Variants in AKT3 observed in about 807,000 individuals in gnomAD.
The protein encoded by AKT3 is RAC-gamma serine/threonine-protein kinase.
A neutral mutation model predicts 65.3 loss-of-function variants in AKT3; 15 were observed. The observed-to-expected ratio is 0.23, with a 90% CI of 0.15 to 0.35. The LOEUF (loss-of-function observed/expected upper bound fraction) is 0.35, where lower values mean the gene tolerates loss of function less well. Ranked by LOEUF, AKT3 falls within the 10% of genes least tolerant of loss-of-function variation. The pLI, the probability that AKT3 is intolerant of heterozygous loss-of-function variation, is 1.00. For synonymous variants in AKT3, 206 were observed against 183.8 expected, an observed-to-expected ratio of 1.12 and a Z score of -0.98; for missense variants, 243 against 576.5, an observed-to-expected ratio of 0.42 and a Z score of 5.92.
rs76075275 is a variant in AKT3, at chr1:243,814,184, A to G, written c.46+28941T>C. On this transcript the variant is annotated intron_variant, in intron 2 of 13. Transcript: ENST00000673466. ...AACACAATACATTCAGCTTTTCTAT[A>G]TATTTTTAAATCTTCAAAATAAAAA... Among the ~76,000 whole-genome samples, 1,376 of 152,316 alleles carry G rather than the reference A, an allele frequency of 9.0e-3. 7 individuals carry two copies. Among genetic ancestry groups the G allele is most frequent in the Non-Finnish European group, 0.013 (886 of 68,016 alleles).
chr1:243,509,396 C>G (rs535445312), intron 13 of AKT3, among the ~76,000 whole-genome samples: 1 of 151,914 alleles, frequency 6.6e-6, no homozygotes, highest in Non-Finnish European at 1.5e-5. Context: ...CCGCGGGTGT[C>G]GAGTAAGGAA....
chr1:243,583,195 T>TATACACAC (rs759291565), intron 8 of AKT3, among the ~76,000 whole-genome samples: 42 of 88,284 alleles, frequency 4.8e-4, no homozygotes, highest in Non-Finnish European at 7.0e-4. Flanking sequence ...TATATATATA[T>TATACACAC]ACACACACAC....
At chr1:243,674,151 T>C (rs1483597352) in intron 3 of AKT3, among the ~76,000 whole-genome samples, 3 of 152,156 alleles carry the variant, frequency 2.0e-5, no homozygotes, top group Non-Finnish European at 4.4e-5. Context: ...TGTTAAAAAA[T>C]ACCTAAAAGA....
At chr1:243,762,537 A>G (rs1052470835) in intron 2 of AKT3, among the ~76,000 whole-genome samples, 1 of 152,120 alleles carries the variant, frequency 6.6e-6, no homozygotes, top group Non-Finnish European at 1.5e-5. Context: ...TACTATTAAT[A>G]AGACTATTAA....
chr1:243,836,220 T>C (rs1694879749), intron 2 of AKT3, among the ~76,000 whole-genome samples: 1 of 151,918 alleles, frequency 6.6e-6, no homozygotes, highest in Admixed American at 6.6e-5. Flanking sequence ...CAAACACTAA[T>C]CATAAAAAAT....
At chr1:243,664,956 G>T (rs1392247767) in intron 3 of AKT3, 73 bp from the exon 4 acceptor site, 2 of 818,032 alleles carry the variant, frequency 2.4e-6, no homozygotes, top group East Asian at 3.4e-5. Flanking sequence ...GAGAACTACA[G>T]AGTTCTATTT....
chr1:243,608,743 C>CTTTTTT (rs566574203), intron 8 of AKT3, among the ~76,000 whole-genome samples: 3 of 70,796 alleles, frequency 4.2e-5, no homozygotes, highest in African/African-American at 2.0e-4. Flanking sequence ...AAGTTTTTTG[C>CTTTTTT]TTTTTTTTTT....
chr1:243,807,049 G>T (rs535408998), intron 2 of AKT3, among the ~76,000 whole-genome samples: 31 of 152,228 alleles, frequency 2.0e-4, no homozygotes, highest in Non-Finnish European at 3.4e-4. Flanking sequence ...AGAAAAATAG[G>T]GAGCAGTTCC....
intron 12 of AKT3, among the ~76,000 whole-genome samples, chr1:243,544,352 A>G (rs1672515912): frequency 6.6e-6 from 1 of 151,802 alleles, no homozygotes; most frequent in Non-Finnish European, 1.5e-5. Context: ...GGGTGGGTGC[A>G]GTGGTTCACG....
chr1:243,673,834 CG>C (rs1683319927), intron 3 of AKT3, among the ~76,000 whole-genome samples: 1 of 152,008 alleles, frequency 6.6e-6, no homozygotes, highest in Admixed American at 6.5e-5. Context: ...AGGATGGTCT[CG>C]GTCTCTTGAC....
chr1:243,723,166 G>C (rs1470533352), intron 2 of AKT3, among the ~76,000 whole-genome samples: 1 of 152,136 alleles, frequency 6.6e-6, no homozygotes, highest in African/African-American at 2.4e-5. Flanking sequence ...GCTGGCATAG[G>C]AGAGTGTTTT....
At chr1:243,650,387 C>T (rs902777127) in intron 4 of AKT3, among the ~76,000 whole-genome samples, 1 of 152,182 alleles carries the variant, frequency 6.6e-6, no homozygotes, top group African/African-American at 2.4e-5. Context: ...GTTTCTTTTG[C>T]TGTGCAGAAG....
chr1:243,806,296 T>G (rs981683874), intron 2 of AKT3, among the ~76,000 whole-genome samples: 4 of 152,242 alleles, frequency 2.6e-5, no homozygotes, highest in Non-Finnish European at 5.9e-5. Context: ...GAGCACGTTT[T>G]ATTCTTTTTG....
intron 2 of AKT3, among the ~76,000 whole-genome samples, chr1:243,718,643 AT>A (rs5782266): frequency 6.8e-6 from 1 of 147,296 alleles, no homozygotes; most frequent in African/African-American, 2.5e-5. Context: ...TCTTTTTTGT[AT>A]TTTTTTTTTC....
chr1:243,585,663 G>A (rs75422032), intron 8 of AKT3, among the ~76,000 whole-genome samples: 5 of 152,126 alleles, frequency 3.3e-5, no homozygotes, highest in African/African-American at 1.2e-4. Context: ...TCAATATATG[G>A]TGCTTCGACA....
chr1:243,817,228 TCTC>T (rs1166060835), intron 2 of AKT3, among the ~76,000 whole-genome samples: 3 of 151,964 alleles, frequency 2.0e-5, no homozygotes, highest in African/African-American at 7.3e-5. Context: ...CTAGGTGACA[TCTC>T]CAAGAGAACC....
chr1:243,674,566 A>C (rs1683372302), intron 3 of AKT3, among the ~76,000 whole-genome samples: 1 of 152,256 alleles, frequency 6.6e-6, no homozygotes, highest in Admixed American at 6.5e-5. Flanking sequence ...GAATTCCATA[A>C]GACAGAACTT....
At chr1:243,812,784 T>C (rs1693248913) in intron 2 of AKT3, among the ~76,000 whole-genome samples, 1 of 152,060 alleles carries the variant, frequency 6.6e-6, no homozygotes, top group Admixed American at 6.5e-5. Context: ...TGTCCAACAA[T>C]GATAGATTGG....
chr1:243,536,341 G>C (rs570599073), intron 12 of AKT3, among the ~76,000 whole-genome samples: 1 of 152,058 alleles, frequency 6.6e-6, no homozygotes, highest in Non-Finnish European at 1.5e-5. Flanking sequence ...TTTTCTTCTA[G>C]AATTTTTTAT....
Sources: allele counts gnomAD v4.1 joint callset (sites outside exome capture counted in the v4.1 genomes callset), GRCh38; gene constraint gnomAD v4.1.1; transcripts MANE v1.5; gene names NCBI Gene and HGNC (gene_info 2026-07-23, HGNC 2026-07-21).